The following TBX21 variants were observed in gnomAD, a reference collection of about 807,000 sequenced individuals.
TBX21 encodes T-box transcription factor TBX21.
TBX21 carries 11 observed loss-of-function variants against 52.2 expected under a neutral mutation model. The ratio of observed to expected loss-of-function variants is 0.21; its 90% CI spans 0.13 to 0.35. The LOEUF (loss-of-function observed/expected upper bound fraction) is 0.35, where lower values mean the gene tolerates loss of function less well. Among genes scored for constraint, TBX21 ranks in the 10% least tolerant of loss-of-function variants. The pLI, the probability that TBX21 is intolerant of heterozygous loss-of-function variation, is 1.00. For synonymous variants in TBX21, 300 were observed against 316.1 expected (o/e 0.95, Z 0.54); for missense variants, 625 against 755.1 (o/e 0.83, Z 2.02).
At chr17:47,736,404 T>C (rs1171393629) in intron 1 of TBX21, among the ~76,000 whole-genome samples, 1 of 152,176 alleles carries the variant, frequency 6.6e-6, no homozygotes, top group Admixed American at 6.5e-5. Context: ...AATGAATGCA[T>C]TACCATTAGC....
chr17:47,744,305 T>A lies in TBX21; in HGVS notation c.879T>A (p.Thr293=), dbSNP rs757869460. The part of the protein sequence containing the change: ...ACNASNTHIF[T]FQETQFIAVT... ...ACGCTTCCAACACGCATATCTTTAC[T>A]TTCCAAGAAACCCAGTTCATTGCCG... The change falls in exon 4 of 6, where the codon ACT becomes ACA. Residue 293 remains threonine, a synonymous_variant. Coordinates refer to ENST00000177694, the MANE Select transcript of TBX21 (RefSeq NM_013351.2). The A allele has an allele frequency of 6.2e-7, 1 of 1,614,224 alleles. No homozygotes were observed. Among genetic ancestry groups the A allele is most frequent in the South Asian group, 1.1e-5 (1 of 91,090 alleles).
At chr17:47,741,772 G>T (rs2032268823) in intron 1 of TBX21, among the ~76,000 whole-genome samples, 1 of 151,132 alleles carries the variant, frequency 6.6e-6, no homozygotes, top group Non-Finnish European at 1.5e-5. Context: ...CTCCTAGGAA[G>T]CAGCTAAGGT....
Position 47,744,923 on chromosome 17 carries a change from G to A in TBX21, c.1165G>A (p.Ala389Thr), listed in dbSNP as rs572097581. ...GGTTCCCCAGGCTTACTGGCTGGGG[G>A]CCCCCCGGGACCACAGCTATGAGGC... ...DVVPQAYWLG[A>T]PRDHSYEAEF... Residue 389 changes from alanine to threonine, a missense_variant, in exon 6 of 6, where the codon GCC (alanine) becomes ACC (threonine). By Grantham distance (58) the Ala-to-Thr change is moderately conservative. Transcript: ENST00000177694. The A allele has an allele frequency of 7.4e-6, 12 of 1,614,050 alleles. No homozygotes were observed. In the African/African-American group the frequency reaches 8.0e-5, roughly 11 times the overall value.
intron 1 of TBX21, among the ~76,000 whole-genome samples, chr17:47,734,607 G>GTGTGTA (rs2032186382): frequency 1.0e-5 from 1 of 97,504 alleles, no homozygotes; most frequent in Non-Finnish European, 2.1e-5. Context: ...GTGTGTGTGT[G>GTGTGTA]TGTATGTGTG....
rs984164580 is a variant in TBX21 at position 47,733,574 on chromosome 17, G to C, written c.120G>C (p.Pro40=). ...AGCACCGCTACTTCTACCCGGAGCC[G>C]GGCGCGCAGGACGCGGACGAGCGTC... is the stretch of plus-strand genomic sequence containing the variant. ...DPQHRYFYPE[P]GAQDADERRG... is the part of the protein sequence containing the mutation. Residue 40 remains proline (P), a synonymous_variant, in exon 1 of 6, where the codon CCG becomes CCC. Transcript: ENST00000177694. This position sits in a 1 kb window ranked among gnomAD's most constrained non-coding sequence, Gnocchi z 6.6. The C allele has an allele frequency of 2.5e-5, 37 of 1,470,244 alleles. No individual in the cohort carries two copies. Among genetic ancestry groups the C allele is most frequent in the Non-Finnish European group, 3.2e-5 (36 of 1,118,598 alleles). The allele number at this position is 1,470,244 out of a possible 1,614,324, so 91.1% of individuals were successfully genotyped here.
In TBX21 at chr17:47,745,680, C is replaced by T. The variant is rs2032326319; in HGVS notation, c.*314C>T. ...CAAGAAAGTCTTGGGCATGAAGGAGCTTTTTGCATCTAGTGGGTGGGAGGG... is the reference window on the plus strand; with the variant it reads ...CAAGAAAGTCTTGGGCATGAAGGAGTTTTTTGCATCTAGTGGGTGGGAGGG... On this transcript the variant is annotated 3_prime_UTR_variant, in exon 6 of 6. Transcript: ENST00000177694. 3.5e-6 allele frequency: 1 copy of T among 286,838 alleles called. No individual in the cohort carries two copies. The highest frequency in any genetic ancestry group is 2.2e-5 in the African/African-American group (1 of 45,864). 17.8% of individuals were successfully genotyped at this position (286,838 alleles called of 1,614,324 possible). A position where few individuals can be genotyped will look rare whatever the true frequency, so the allele number is the denominator to read the frequency against.
chr17:47,740,716 C>A (rs1377217740), intron 1 of TBX21, among the ~76,000 whole-genome samples: 1 of 152,090 alleles, frequency 6.6e-6, no homozygotes, highest in Non-Finnish European at 1.5e-5. Context: ...CATGACAGAG[C>A]GAAACTCCAT....
rs1156522132 is a variant in TBX21, at chr17:47,733,811, G to C, written c.357G>C (p.Pro119=). 4.4e-6 allele frequency: 7 copies of C among 1,594,948 alleles called. No homozygotes were observed. Among genetic ancestry groups the C allele is most frequent in the African/African-American group, 1.3e-5 (1 of 74,656 alleles). Residue 119 remains proline (P), a synonymous_variant, in exon 1 of 6, where the codon CCG becomes CCC. Coordinates refer to ENST00000177694, the MANE Select transcript of TBX21 (RefSeq NM_013351.2). This position sits in a 1 kb window ranked among gnomAD's most constrained non-coding sequence, Gnocchi z 6.6. ...CGGACCCGCGCGCCGGGCTCTACCC[G>C]GGGCCGCGTGAGGACTACGCGCTAC... is the stretch of plus-strand genomic sequence containing the variant. ...AAPDPRAGLY[P]GPREDYALPA...
intron 3 of TBX21, among the ~76,000 whole-genome samples, chr17:47,743,892 A>AAG (rs1481484104): frequency 6.7e-6 from 1 of 149,030 alleles, no homozygotes; most frequent in Admixed American, 6.7e-5. Flanking sequence ...AAAAAAAAAA[A>AAG]AAAGAAAAAA....
chr17:47,734,119 GC>G (rs1436929231), intron 1 of TBX21, among the ~76,000 whole-genome samples, 174 bp downstream of exon 1: 1 of 152,206 alleles, frequency 6.6e-6, no homozygotes, highest in Non-Finnish European at 1.5e-5. Flanking sequence ...CTCCGGAGGG[GC>G]GTCTGTGCCC....
In TBX21 at chr17:47,743,076, C is replaced by G. The variant is rs773730624; in HGVS notation, c.652C>G (p.Arg218Gly). 3.7e-6 allele frequency: 6 copies of G among 1,614,116 alleles called. No homozygotes were observed. The highest frequency in any genetic ancestry group is 5.1e-6 in the Non-Finnish European group (6 of 1,180,002). The change falls in exon 3 of 6, where the codon CGC (arginine) becomes GGC (glycine). Residue 218 changes from arginine to glycine, a missense_variant. By Grantham distance (125) the Arg-to-Gly change is moderately radical. This residue lies in a region of TBX21 where 142 missense variants were observed against 258.5 expected (regional missense o/e 0.55). Coordinates refer to ENST00000177694, the MANE Select transcript of TBX21 (RefSeq NM_013351.2). ...GKAEGSMPGN[R>G]LYVHPDSPNT... ...AAGAGGTGAACTGTCCACAGGAAACCGCCTGTACGTCCACCCGGACTCCCC... is the reference window on the plus strand; with the variant it reads ...AAGAGGTGAACTGTCCACAGGAAACGGCCTGTACGTCCACCCGGACTCCCC...
At chr17:47,736,169 T>C (rs1046393784) in intron 1 of TBX21, among the ~76,000 whole-genome samples, 1 of 152,188 alleles carries the variant, frequency 6.6e-6, no homozygotes, top group Non-Finnish European at 1.5e-5. Flanking sequence ...TTTAGATACA[T>C]ACACTTACAT....
chr17:47,741,216 C>T (rs1034220669), intron 1 of TBX21, among the ~76,000 whole-genome samples: 5 of 150,958 alleles, frequency 3.3e-5, no homozygotes, highest in Non-Finnish European at 5.9e-5. Context: ...TGGTGGTGCC[C>T]GTGCTGGTGC....
chr17:47,739,378 T>A (rs915165356), intron 1 of TBX21, among the ~76,000 whole-genome samples: 1 of 151,472 alleles, frequency 6.6e-6, no homozygotes, highest in Non-Finnish European at 1.5e-5. Context: ...CCCGCTCGGG[T>A]GACTCGGGAG....
chr17:47,745,161 C>T lies in TBX21; in HGVS notation c.1403C>T (p.Pro468Leu). The T allele has an allele frequency of 1.9e-6, 3 of 1,614,178 alleles. No individual in the cohort carries two copies. The highest frequency in any genetic ancestry group is 2.5e-6 in the Non-Finnish European group (3 of 1,180,026). Residue 468 changes from proline (P) to leucine (L), a missense_variant, in exon 6 of 6, where the codon CCA becomes CTA. By Grantham distance (98) the Pro-to-Leu change is moderately conservative. Coordinates refer to ENST00000177694, the MANE Select transcript of TBX21 (RefSeq NM_013351.2). ...PGPGGSEGRG[P>L]EDQGPPLVWT... ...CCTGGAGGCTCAGAGGGACGGGGAC[C>T]AGAGGACCAGGGTCCCCCCTTGGTG...
chr17:47,739,652 G>A (rs1047243167), intron 1 of TBX21, among the ~76,000 whole-genome samples: 1 of 152,006 alleles, frequency 6.6e-6, no homozygotes, highest in African/African-American at 2.4e-5. Flanking sequence ...CCAGCTACTC[G>A]GGAGGCTGAG....
chr17:47,744,875 C>G lies in TBX21; in HGVS notation c.1117C>G (p.Leu373Val). Reference protein sequence around the residue: ...YPVPSRFYPDLPGQAKDVVPQ... With the variant: ...YPVPSRFYPDVPGQAKDVVPQ... ...TGTTCCCAGCCGCTTCTACCCCGAC[C>G]TTCCTGGCCAGGCGAAGGATGTGGT... The change falls in exon 6 of 6, where the codon CTT (leucine) becomes GTT (valine). Residue 373 changes from leucine to valine, a missense_variant. Leu to Val is a conservative substitution (Grantham distance 32, BLOSUM62 1). Transcript: ENST00000177694. 1 of 1,614,234 alleles carries G rather than the reference C, an allele frequency of 6.2e-7. No homozygotes were observed. Among genetic ancestry groups the G allele is most frequent in the Non-Finnish European group, 8.5e-7 (1 of 1,180,036 alleles).
Position 47,744,752 on chromosome 17 carries a change from T to G in TBX21, c.994T>G (p.Tyr332Asp). 6.2e-7 allele frequency: 1 copy of G among 1,612,900 alleles called. No homozygotes were observed. The highest frequency in any genetic ancestry group is 1.1e-5 in the South Asian group (1 of 90,992). Reference sequence around the variant, plus strand: ...TTGCCTTCTATTTTTTTCTAGCATGTACACATCTGTTGACACCAGCATCCC... The same window carrying G: ...TTGCCTTCTATTTTTTTCTAGCATGGACACATCTGTTGACACCAGCATCCC... Reference protein sequence around the residue: ...KGFRENFESMYTSVDTSIPSP... With the variant: ...KGFRENFESMDTSVDTSIPSP... The change falls in exon 6 of 6, where the codon TAC becomes GAC. Residue 332 changes from tyrosine (Y) to aspartate (D), a missense_variant. Transcript: ENST00000177694.
chr17:47,734,021 C>T, intron 1 of TBX21, 76 bp downstream of exon 1: 1 of 1,602,908 alleles, frequency 6.2e-7, no homozygotes, highest in Non-Finnish European at 8.5e-7. Context: ...TTTTCTGGCT[C>T]GACAATGCTT....
Sources: gnomAD v4.1 joint callset for allele counts (sites outside exome capture counted in the v4.1 genomes callset) on GRCh38, gnomAD v4.1.1 for gene constraint, gnomAD v4.1.1 regional missense constraint, Gnocchi (gnomAD v3.1) non-coding constraint, MANE v1.5 for transcripts, NCBI Gene and HGNC (gene_info 2026-07-23, HGNC 2026-07-21) for gene names.